Variants in FANCC observed in about 807,000 individuals in gnomAD.
FANCC encodes FA complementation group C.
FANCC carries 55 observed loss-of-function variants against 71.3 expected under a neutral mutation model. The ratio of observed to expected loss-of-function variants is 0.77; its 90% CI spans 0.62 to 0.97. The LOEUF (loss-of-function observed/expected upper bound fraction) is 0.97, where lower values mean the gene tolerates loss of function less well. Among genes scored for constraint, FANCC ranks in the 50% least tolerant of loss-of-function variants. The pLI, the probability that FANCC is intolerant of heterozygous loss-of-function variation, is 0.00. For synonymous variants in FANCC, 275 were observed against 244.9 expected (o/e 1.12, Z -1.15); for missense variants, 678 against 670.9 (o/e 1.01, Z -0.12).
At chr9:95,117,268 C>T in intron 11 of FANCC, 47 bp downstream of exon 11, 1 of 1,552,492 alleles carries the variant, frequency 6.4e-7, no homozygotes, top group South Asian at 1.1e-5. Context: ...TGACAATGCT[C>T]TTCCCAGGAA....
At chr9:95,293,411 A>G in intron 1 of FANCC, 2 of 1,577,656 alleles carry the variant, frequency 1.3e-6, no homozygotes, top group Non-Finnish European at 1.7e-6. Context: ...GCCTAGATTC[A>G]GAGGCTTGCT....
intron 6 of FANCC, among the ~76,000 whole-genome samples, chr9:95,161,004 G>A (rs1028519755): frequency 1.3e-5 from 2 of 152,140 alleles, no homozygotes; most frequent in African/African-American, 4.8e-5. Context: ...ATATAATACT[G>A]TAAAATGGGG....
intron 1 of FANCC, among the ~76,000 whole-genome samples, chr9:95,262,052 T>A (rs887857815): frequency 6.6e-6 from 1 of 152,152 alleles, no homozygotes; most frequent in Non-Finnish European, 1.5e-5. Flanking sequence ...GTTTGGTTGC[T>A]TGTTAAGTAC....
At chr9:95,161,883 C>G (rs964074568) in intron 6 of FANCC, among the ~76,000 whole-genome samples, 21 of 151,024 alleles carry the variant, frequency 1.4e-4, no homozygotes, top group Non-Finnish European at 2.5e-4. Context: ...GCTCTGTCAC[C>G]CAGGCTGGAG....
intron 1 of FANCC, among the ~76,000 whole-genome samples, chr9:95,298,212 G>A (rs1405544150): frequency 1.3e-5 from 2 of 152,170 alleles, no homozygotes; most frequent in Admixed American, 6.5e-5. Flanking sequence ...TTAGTATTTA[G>A]ATCAGACATA....
intron 4 of FANCC, among the ~76,000 whole-genome samples, chr9:95,189,833 T>C (rs556781746): frequency 1.3e-5 from 2 of 152,228 alleles, no homozygotes; most frequent in South Asian, 4.1e-4. Context: ...GAATCCATGC[T>C]GCAGCTTTTC....
At chr9:95,293,033 T>TGCAA in intron 1 of FANCC, 1 of 1,592,766 alleles carries the variant, frequency 6.3e-7, no homozygotes, top group East Asian at 2.2e-5. Context: ...TGGAAAACTG[T>TGCAA]GCAAAACCAG....
intron 6 of FANCC, among the ~76,000 whole-genome samples, chr9:95,168,102 T>G (rs530316638): frequency 1.1e-3 from 161 of 152,292 alleles, no homozygotes; most frequent in African/African-American, 3.8e-3. Flanking sequence ...GCTCCTAATC[T>G]TCCCCTCCCC....
At chr9:95,165,526 T>C (rs1299967858) in intron 6 of FANCC, among the ~76,000 whole-genome samples, 1 of 152,082 alleles carries the variant, frequency 6.6e-6, no homozygotes, top group Admixed American at 6.5e-5. Context: ...TCTGTGTTTC[T>C]TGTAATTTGT....
intron 14 of FANCC, among the ~76,000 whole-genome samples, chr9:95,104,484 C>G (rs925947168): frequency 1.3e-4 from 20 of 151,938 alleles, no homozygotes; most frequent in African/African-American, 4.4e-4. Context: ...GGATCCGCAG[C>G]AGGGGCTGAA....
chr9:95,191,714 G>A (rs183657487), intron 4 of FANCC, among the ~76,000 whole-genome samples: 72 of 151,980 alleles, frequency 4.7e-4, no homozygotes, highest in Admixed American at 1.0e-3. Flanking sequence ...CCACATGGTT[G>A]CTCCAGTCAA....
chr9:95,212,099 T>C (rs1212377468), intron 4 of FANCC, among the ~76,000 whole-genome samples: 1 of 152,114 alleles, frequency 6.6e-6, no homozygotes, highest in East Asian at 1.9e-4. Flanking sequence ...GGGAAAATTA[T>C]GACAAGAACC....
chr9:95,152,229 G>C (rs1830215958), intron 6 of FANCC, among the ~76,000 whole-genome samples: 1 of 152,166 alleles, frequency 6.6e-6, no homozygotes, highest in Non-Finnish European at 1.5e-5. Context: ...TCAAGGCTCT[G>C]TTTGAGGTGT....
intron 4 of FANCC, among the ~76,000 whole-genome samples, chr9:95,197,358 G>C (rs1211606057): frequency 6.6e-6 from 1 of 152,124 alleles, no homozygotes; most frequent in African/African-American, 2.4e-5. Context: ...GTAACAAAGG[G>C]AGACCCTGTC....
chr9:95,280,079 TA>T (rs1833295374), intron 1 of FANCC, among the ~76,000 whole-genome samples: 1 of 147,392 alleles, frequency 6.8e-6, no homozygotes, highest in Non-Finnish European at 1.5e-5. Context: ...AGATTGGAAG[TA>T]AAAGGATAGA....
At chr9:95,277,008 T>C (rs568201490) in intron 1 of FANCC, among the ~76,000 whole-genome samples, 14 of 152,338 alleles carry the variant, frequency 9.2e-5, no homozygotes, top group East Asian at 3.9e-4. Flanking sequence ...TTACAAAATA[T>C]AGTAATTCTC....
intron 4 of FANCC, among the ~76,000 whole-genome samples, chr9:95,175,591 G>A (rs1041160091): frequency 6.6e-6 from 1 of 152,246 alleles, no homozygotes; most frequent in African/African-American, 2.4e-5. Flanking sequence ...GGGAGAGAGA[G>A]GGAGCAGCCA....
At chr9:95,269,498 T>C (rs1293347269) in intron 1 of FANCC, among the ~76,000 whole-genome samples, 1 of 152,178 alleles carries the variant, frequency 6.6e-6, no homozygotes, top group African/African-American at 2.4e-5. Flanking sequence ...AGAAAATACG[T>C]AGGTGTAAGG....
chr9:95,102,724 C>T (rs2071156008), intron 14 of FANCC, among the ~76,000 whole-genome samples: 1 of 152,214 alleles, frequency 6.6e-6, no homozygotes, highest in South Asian at 2.1e-4. Flanking sequence ...TCCGACAGCC[C>T]AGGACACCCT....
Sources: gnomAD v4.1 joint callset for allele counts (sites outside exome capture counted in the v4.1 genomes callset) on GRCh38, gnomAD v4.1.1 for gene constraint, MANE v1.5 for transcripts, NCBI Gene and HGNC (gene_info 2026-07-23, HGNC 2026-07-21) for gene names.